Variants in FKBP15 observed in about 807,000 individuals in gnomAD.
FKBP15 encodes FKBP prolyl isomerase family member 15.
A neutral mutation model predicts 158.1 loss-of-function variants in FKBP15; 106 were observed. That is an observed-to-expected ratio of 0.67 (90% confidence interval 0.57 to 0.79). The LOEUF (loss-of-function observed/expected upper bound fraction) is 0.79, where lower values mean the gene tolerates loss of function less well. FKBP15 is among the 30% of genes least tolerant of loss of function. The pLI is 0.00. For synonymous variants in FKBP15, 547 were observed against 548.6 expected (o/e 1.00, Z 0.04); for missense variants, 1,287 against 1,479.1 (o/e 0.87, Z 2.13).
Position 113,163,468 on chromosome 9 carries a change from GTTTT to G in FKBP15, c.*2606_*2609del, listed in dbSNP as rs919868075. On this transcript the variant is annotated 3_prime_UTR_variant, in exon 28 of 28. Transcript: ENST00000238256. ...TCTATGGATCATGTTGACAAACTAA[GTTTT>G]TTTTATTTTTCCCATTGAACTCCTA... The G allele has an allele frequency of 2.0e-5, 3 of 152,476 alleles. No individual in the cohort carries two copies. The highest frequency in any genetic ancestry group is 7.2e-5 in the African/African-American group (3 of 41,400). The allele number at this position is 152,476 out of a possible 1,614,324, so 9.4% of individuals were successfully genotyped here. A position where few individuals can be genotyped will look rare whatever the true frequency, so the allele number is the denominator to read the frequency against.
At position 113,169,245 on chromosome 9, in the gene FKBP15, CTGGGTCTGA is replaced by C; in HGVS notation, c.3455_3463del (p.Leu1152_Ser1155delinsArg). ...ATACCTGGAACGCTGGGAATGATGG[CTGGGTCTGA>C]GGGCTGCTCCTGCAACTGTGGAACC... On this transcript the variant is annotated inframe_deletion, in exon 26 of 28. Transcript: ENST00000238256. 6.2e-7 allele frequency: 1 copy of C among 1,613,508 alleles called. No individual in the cohort carries two copies. Among genetic ancestry groups the C allele is most frequent in the Non-Finnish European group, 8.5e-7 (1 of 1,179,584 alleles).
intron 9 of FKBP15, among the ~76,000 whole-genome samples, chr9:113,195,798 C>CTA (rs987523148): frequency 6.6e-6 from 1 of 152,032 alleles, no homozygotes; most frequent in African/African-American, 2.4e-5. Flanking sequence ...TGCATAGAAA[C>CTA]TATATATATT....
intron 25 of FKBP15, 50 bp downstream of exon 25, chr9:113,170,472 G>T: frequency 7.8e-7 from 1 of 1,279,952 alleles, no homozygotes; most frequent in Non-Finnish European, 1.1e-6. Flanking sequence ...AGGTACTTAA[G>T]CAACAAAATG....
intron 22 of FKBP15, among the ~76,000 whole-genome samples, 199 bp from the exon 23 acceptor site, chr9:113,173,804 G>T (rs1420656854): frequency 1.3e-5 from 2 of 152,066 alleles, no homozygotes; most frequent in Non-Finnish European, 2.9e-5. Context: ...ACTCCAAAAG[G>T]TACTCCAAGC....
intron 24 of FKBP15, 132 bp from the exon 25 acceptor site, chr9:113,170,761 A>G: frequency 4.2e-6 from 3 of 707,068 alleles, no homozygotes. Context: ...GGTCATAAGC[A>G]GAGACACTGA....
In FKBP15 at chr9:113,184,465, G is replaced by T; in HGVS notation, c.1609-66C>A. 7.6e-7 allele frequency: 1 copy of T among 1,315,792 alleles called. No individual in the cohort carries two copies. The highest frequency in any genetic ancestry group is 1.1e-6 in the Non-Finnish European group (1 of 933,958). The allele number at this position is 1,315,792 out of a possible 1,614,324, so 81.5% of individuals were successfully genotyped here. ...AAATGAAGAAATACAATTTACCCAAGATTTGACCCTGTTGTTAAGGGGGTT... is the reference window on the plus strand; with the variant it reads ...AAATGAAGAAATACAATTTACCCAATATTTGACCCTGTTGTTAAGGGGGTT... On this transcript the variant is annotated intron_variant, in intron 16 of 27. Coordinates refer to ENST00000238256, the MANE Select transcript of FKBP15 (RefSeq NM_015258.2). The surrounding 1 kb of genome is among the most constrained non-coding windows in gnomAD (Gnocchi z 4.5).
chr9:113,210,328 A>G, intron 2 of FKBP15, among the ~76,000 whole-genome samples: 1 of 116,638 alleles, frequency 8.6e-6, no homozygotes, highest in East Asian at 2.4e-4. Context: ...GCCAGTTGTG[A>G]TGGCTTTTTT....
chr9:113,183,912 C>T, intron 17 of FKBP15, 67 bp from the exon 18 acceptor site: 1 of 1,143,188 alleles, frequency 8.7e-7, no homozygotes, highest in Non-Finnish European at 1.3e-6. Context: ...AGAAGAGAAT[C>T]AACTTGAACT....
At chr9:113,195,510 G>T (rs954934662) in intron 9 of FKBP15, among the ~76,000 whole-genome samples, 2 of 152,136 alleles carry the variant, frequency 1.3e-5, no homozygotes, top group African/African-American at 4.8e-5. Context: ...AGGCAGCAGG[G>T]CGTATGTCAT....
At chr9:113,204,603 A>G (rs966133672) in intron 4 of FKBP15, among the ~76,000 whole-genome samples, 3 of 152,162 alleles carry the variant, frequency 2.0e-5, no homozygotes, top group Non-Finnish European at 4.4e-5. Context: ...TTGGATTCCA[A>G]TTACATGGAC....
chr9:113,219,018 T>C (rs1471487867), intron 1 of FKBP15, among the ~76,000 whole-genome samples: 1 of 152,242 alleles, frequency 6.6e-6, no homozygotes, highest in African/African-American at 2.4e-5. Flanking sequence ...TTGATTTTAT[T>C]CTACTACTAA....
chr9:113,171,212 G>A (rs1056586223), intron 24 of FKBP15, among the ~76,000 whole-genome samples: 1 of 152,192 alleles, frequency 6.6e-6, no homozygotes, highest in African/African-American at 2.4e-5. Context: ...CGGATCACAA[G>A]GTCAAGAGAC....
chr9:113,182,238 A>T (rs751471408), intron 19 of FKBP15, among the ~76,000 whole-genome samples: 1 of 152,210 alleles, frequency 6.6e-6, no homozygotes, highest in Admixed American at 6.5e-5. Context: ...GAAGGAATCC[A>T]TTCAGGATAA....
chr9:113,204,903 T>C (rs1308274745), intron 4 of FKBP15, among the ~76,000 whole-genome samples: 2 of 152,100 alleles, frequency 1.3e-5, no homozygotes, highest in African/African-American at 2.4e-5. Flanking sequence ...TTATTCCTAG[T>C]TGTTTTAAGT....
chr9:113,164,166 C>G lies in FKBP15; in HGVS notation c.*1912G>C, dbSNP rs1830063058. On this transcript the variant is annotated 3_prime_UTR_variant, in exon 28 of 28. Transcript: ENST00000238256. ...TATGACTGTTCTGTTCTCCTAATTC[C>G]AACAGAAAGCACATGAACCCTTGTA... The G allele has an allele frequency of 6.6e-6, 1 of 152,312 alleles. No homozygotes were observed. The highest frequency in any genetic ancestry group is 1.9e-4 in the East Asian group (1 of 5,202). The allele number at this position is 152,312 out of a possible 1,614,324, so 9.4% of individuals were successfully genotyped here. A position where few individuals can be genotyped will look rare whatever the true frequency, so the allele number is the denominator to read the frequency against.
At position 113,164,285 on chromosome 9, in the gene FKBP15, C is replaced by T. The variant is rs544867551; in HGVS notation, c.*1793G>A. On this transcript the variant is annotated 3_prime_UTR_variant, in exon 28 of 28. Coordinates refer to ENST00000238256, the MANE Select transcript of FKBP15 (RefSeq NM_015258.2). Reference sequence around the variant, plus strand: ...GTCCATCCATCTGCTACAAAGACAACTCTGCTCAGGGAAACCCAGCCCTGA... The same window carrying T: ...GTCCATCCATCTGCTACAAAGACAATTCTGCTCAGGGAAACCCAGCCCTGA... The T allele has an allele frequency of 2.0e-5, 3 of 152,276 alleles. No homozygotes were observed. In the South Asian group the frequency reaches 6.2e-4, roughly 32 times the overall value. The allele number at this position is 152,276 out of a possible 1,614,324, so 9.4% of individuals were successfully genotyped here. A position where few individuals can be genotyped will look rare whatever the true frequency, so the allele number is the denominator to read the frequency against.
intron 1 of FKBP15, 67 bp downstream of exon 1, chr9:113,221,124 C>A (rs1431245412): frequency 1.3e-6 from 2 of 1,497,150 alleles, no homozygotes; most frequent in Non-Finnish European, 1.8e-6. Context: ...AAGAGATCGA[C>A]CCCCCTCCAA....
At chr9:113,213,396 C>T (rs1055867153) in intron 1 of FKBP15, among the ~76,000 whole-genome samples, 4 of 147,302 alleles carry the variant, frequency 2.7e-5, no homozygotes, top group African/African-American at 7.6e-5. Flanking sequence ...GCAACGAGAG[C>T]GAAACTCCGT....
chr9:113,176,494 T>TC, intron 21 of FKBP15, 43 bp downstream of exon 21: 1 of 1,532,640 alleles, frequency 6.5e-7, no homozygotes. Flanking sequence ...ATAAAAATGT[T>TC]TATTAAACAG....
Sources: allele counts gnomAD v4.1 joint callset (sites outside exome capture counted in the v4.1 genomes callset), GRCh38; gene constraint gnomAD v4.1.1; non-coding constraint Gnocchi (gnomAD v3.1); transcripts MANE v1.5; gene names NCBI Gene and HGNC (gene_info 2026-07-23, HGNC 2026-07-21).